RB1CC1: variants seen among roughly 807,000 people sequenced by gnomAD.
RB1CC1 encodes the protein RB1-inducible coiled-coil protein 1.
RB1CC1 carries 46 observed loss-of-function variants against 177.5 expected under a neutral mutation model. That is an observed-to-expected ratio of 0.26 (90% CI 0.20 to 0.33). The LOEUF (loss-of-function observed/expected upper bound fraction) is 0.33, where lower values mean the gene tolerates loss of function less well. Among genes scored for constraint, RB1CC1 ranks in the 10% least tolerant of loss-of-function variants. The probability of loss-of-function intolerance (pLI) is 1.00; values close to 1 mark genes in which losing one functional copy is unlikely to be tolerated. For missense variants in RB1CC1, 1,703 were observed against 1,816.3 expected (o/e 0.94, Z 1.13); for synonymous variants, 666 against 613.6 (o/e 1.09, Z -1.26).
chr8:52,707,715 A>C (rs1385031239), intron 1 of RB1CC1, among the ~76,000 whole-genome samples: 1 of 151,970 alleles, frequency 6.6e-6, no homozygotes, highest in Non-Finnish European at 1.5e-5. Context: ...CAGGGCACAA[A>C]TCTGTAGTTT....
intron 23 of RB1CC1, 57 bp from the exon 24 acceptor site, chr8:52,623,916 T>A (rs116506585): frequency 7.4e-4 from 637 of 862,714 alleles, no homozygotes; most frequent in Middle Eastern, 1.8e-3. Flanking sequence ...TCTCTCTCTC[T>A]CACACACACA....
At chr8:52,670,778 G>A (rs1852498359) in intron 7 of RB1CC1, among the ~76,000 whole-genome samples, 1 of 152,120 alleles carries the variant, frequency 6.6e-6, no homozygotes, top group African/African-American at 2.4e-5. Flanking sequence ...ACTGAGGTGA[G>A]GAGTTCAAAG....
rs1264678119 is a variant in RB1CC1, at chr8:52,714,337, G to A, written c.-429C>T. 1 of 155,670 alleles carries A rather than the reference G, an allele frequency of 6.4e-6. No homozygotes were observed. The highest frequency in any genetic ancestry group is 2.4e-5 in the African/African-American group (1 of 41,478). The allele number at this position is 155,670 out of a possible 1,614,324, so 9.6% of individuals were successfully genotyped here. ...GGGGACAGAAGGCCGCGGCCTGTCA[G>A]AGCCGAGGGGCCCAGGCGACTGGGG... On this transcript the variant is annotated 5_prime_UTR_variant, in exon 1 of 24. Transcript: ENST00000025008.
chr8:52,672,574 C>A (rs1023454494), intron 7 of RB1CC1, among the ~76,000 whole-genome samples: 1 of 151,986 alleles, frequency 6.6e-6, no homozygotes, highest in Admixed American at 6.6e-5. Context: ...AAGAAGACCC[C>A]GTCTGTGCAA....
rs550772383 is a variant in RB1CC1 at position 52,714,251 on chromosome 8, C to T, written c.-343G>A. 3 of 211,896 alleles carry T rather than the reference C, an allele frequency of 1.4e-5. No individual in the cohort carries two copies. Among genetic ancestry groups the T allele is most frequent in the East Asian group, 3.8e-4 (2 of 5,282 alleles). 13.1% of individuals were successfully genotyped at this position (211,896 alleles called of 1,614,324 possible). On this transcript the variant is annotated 5_prime_UTR_variant, in exon 1 of 24. Transcript: ENST00000025008. ...CGCCGCGGCCCCGAACTCTAGGAGG[C>T]AGGGAGGGGTCCGGGCGGACAAGGA... is the stretch of plus-strand genomic sequence containing the variant.
chr8:52,695,712 G>A (rs576461651), intron 1 of RB1CC1, among the ~76,000 whole-genome samples: 1 of 152,342 alleles, frequency 6.6e-6, no homozygotes, highest in African/African-American at 2.4e-5. Context: ...CACTGTCTAT[G>A]ACTCCACCAG....
At chr8:52,690,990 A>G (rs778374816) in intron 1 of RB1CC1, among the ~76,000 whole-genome samples, 3 of 152,226 alleles carry the variant, frequency 2.0e-5, no homozygotes, top group Non-Finnish European at 4.4e-5. Flanking sequence ...AAGTACATTT[A>G]TCAAATCATA....
intron 12 of RB1CC1, among the ~76,000 whole-genome samples, chr8:52,659,389 TTTC>T (rs1230350624): frequency 6.6e-6 from 1 of 152,194 alleles, no homozygotes; most frequent in Non-Finnish European, 1.5e-5. Context: ...CATGTAACAC[TTTC>T]TTATTTGCTT....
In RB1CC1 at chr8:52,657,608, T is replaced by C. The variant is rs138190529; in HGVS notation, c.2221A>G (p.Ile741Val). 2.4e-5 allele frequency: 39 copies of C among 1,614,116 alleles called. No homozygotes were observed. In the African/African-American group the frequency reaches 4.8e-4, roughly 20 times the overall value. ...TTAGGAGACGACAAATTTTCTTCTA[T>C]TACAAACTCATTCACAGCAGACATA... ...DFMSAVNEFV[I>V]EENLSSPNPI... Residue 741 changes from isoleucine to valine, a missense_variant, in exon 15 of 24, where the codon ATA (isoleucine) becomes GTA (valine). Transcript: ENST00000025008.
chr8:52,682,825 G>A (rs899736315), intron 5 of RB1CC1, among the ~76,000 whole-genome samples: 4 of 152,106 alleles, frequency 2.6e-5, no homozygotes, highest in African/African-American at 9.7e-5. Context: ...GTTTCACACA[G>A]ATGAGGTTAT....
At chr8:52,689,373 T>G (rs986724900) in intron 1 of RB1CC1, among the ~76,000 whole-genome samples, 1 of 152,154 alleles carries the variant, frequency 6.6e-6, no homozygotes, top group South Asian at 2.1e-4. Flanking sequence ...CCTACTGCCT[T>G]AAATCAGACC....
chr8:52,687,563 G>A (rs577148943), intron 1 of RB1CC1, among the ~76,000 whole-genome samples: 3 of 152,250 alleles, frequency 2.0e-5, no homozygotes, highest in African/African-American at 7.2e-5. Flanking sequence ...TGCCAGCTTT[G>A]ATGAAGCAAG....
In RB1CC1 at chr8:52,699,858, T is replaced by TAC. The variant is rs1554557208; in HGVS notation, c.-166-12893_-166-12892dup. Among the ~76,000 whole-genome samples the TAC allele has an allele frequency of 5.8e-3, 598 of 102,614 alleles. 9 individuals are homozygous for TAC. Among genetic ancestry groups the TAC allele is most frequent in the African/African-American group, 0.014 (334 of 24,310 alleles). The allele number at this position is 102,614 out of a possible 152,430, so 67.3% of individuals were successfully genotyped here. A position where few individuals can be genotyped will look rare whatever the true frequency, so the allele number is the denominator to read the frequency against. ...ATATATATATATATATATATATATA[T>TAC]ACACACAAAAACAAAAGAAAGCTTA... is the stretch of plus-strand genomic sequence containing the variant. On this transcript the variant is annotated intron_variant, in intron 1 of 23. Transcript: ENST00000025008.
chr8:52,627,798 T>C (rs553489255), intron 22 of RB1CC1, among the ~76,000 whole-genome samples: 2 of 152,322 alleles, frequency 1.3e-5, no homozygotes, highest in South Asian at 4.1e-4. Context: ...GATGTCCGAA[T>C]CACTGCACAT....
chr8:52,658,021 T>C lies in RB1CC1; in HGVS notation c.1897A>G (p.Thr633Ala). The C allele has an allele frequency of 1.2e-6, 2 of 1,614,088 alleles. No homozygotes were observed. Among genetic ancestry groups the C allele is most frequent in the Non-Finnish European group, 1.7e-6 (2 of 1,179,994 alleles). ...GCCTTTTGTTCACTCAGTAGATCTGTAATGGTCTGTGACATTTCATCCAAA... is the reference window on the plus strand; with the variant it reads ...GCCTTTTGTTCACTCAGTAGATCTGCAATGGTCTGTGACATTTCATCCAAA... ...QSLDEMSQTI[T>A]DLLSEQKASV... Residue 633 changes from threonine (T) to alanine (A), a missense_variant, in exon 14 of 24, where the codon ACA becomes GCA. By Grantham distance (58) the Thr-to-Ala change is moderately conservative. Transcript: ENST00000025008.
chr8:52,661,499 T>TTA (rs1477656928), intron 9 of RB1CC1, 36 bp downstream of exon 9: 1 of 1,531,280 alleles, frequency 6.5e-7, no homozygotes, highest in African/African-American at 1.4e-5. Flanking sequence ...ATACCAATTC[T>TTA]AAACATCTTA....
intron 15 of RB1CC1, among the ~76,000 whole-genome samples, chr8:52,647,743 G>C (rs1850180729): frequency 6.6e-6 from 1 of 152,122 alleles, no homozygotes; most frequent in African/African-American, 2.4e-5. Flanking sequence ...GACAGATAGT[G>C]AACAGTAAAG....
chr8:52,670,645 C>T (rs1852487267), intron 7 of RB1CC1, among the ~76,000 whole-genome samples: 2 of 152,114 alleles, frequency 1.3e-5, no homozygotes, highest in African/African-American at 4.8e-5. Context: ...TCGTTAGAAA[C>T]ACAAATCAGT....
chr8:52,650,895 G>A (rs1590969394), intron 15 of RB1CC1, among the ~76,000 whole-genome samples: 1 of 152,160 alleles, frequency 6.6e-6, no homozygotes, highest in African/African-American at 2.4e-5. Flanking sequence ...TACCTTGTCT[G>A]AGGAAATCAG....
Sources: allele counts gnomAD v4.1 joint callset (sites outside exome capture counted in the v4.1 genomes callset), GRCh38; gene constraint gnomAD v4.1.1; transcripts MANE v1.5; gene names NCBI Gene and HGNC (gene_info 2026-07-23, HGNC 2026-07-21).